HNRNPC: variants seen among roughly 807,000 people sequenced by gnomAD.
HNRNPC encodes the protein heterogeneous nuclear ribonucleoprotein C.
A neutral mutation model predicts 33.2 loss-of-function variants in HNRNPC; 3 were observed. The ratio of observed to expected loss-of-function variants is 0.09; its 90% CI spans 0.04 to 0.23. HNRNPC has a LOEUF of 0.23. HNRNPC is among the 10% of genes least tolerant of loss of function. The pLI is 1.00. For synonymous variants in HNRNPC, 121 were observed against 126.7 expected, an observed-to-expected ratio of 0.96 and a Z score of 0.30; for missense variants, 143 against 366.7, an observed-to-expected ratio of 0.39 and a Z score of 4.98.
chr14:21,264,431 A>C (rs1238231509), intron 1 of HNRNPC: 1 of 152,218 alleles, frequency 6.6e-6, no homozygotes, highest in East Asian at 1.9e-4. Context: ...GATGGAATTA[A>C]AAAAATACTG....
intron 2 of HNRNPC, among the ~76,000 whole-genome samples, chr14:21,244,645 C>T (rs562705467): frequency 2.0e-5 from 3 of 152,262 alleles, no homozygotes; most frequent in African/African-American, 7.2e-5. Flanking sequence ...TGCTTAATGA[C>T]AGGGAAATGC....
At chr14:21,246,705 T>C (rs527288694) in intron 2 of HNRNPC, among the ~76,000 whole-genome samples, 1 of 152,218 alleles carries the variant, frequency 6.6e-6, no homozygotes, top group African/African-American at 2.4e-5. Context: ...TCTGTTTACT[T>C]TGGCACTGTC....
intron 2 of HNRNPC, among the ~76,000 whole-genome samples, chr14:21,256,244 G>T (rs1344477470): frequency 6.6e-6 from 1 of 152,090 alleles, no homozygotes; most frequent in Non-Finnish European, 1.5e-5. Context: ...TCAAGAAATC[G>T]AGACTATCCT....
intron 2 of HNRNPC, among the ~76,000 whole-genome samples, chr14:21,261,903 G>A (rs1445674494): frequency 1.3e-5 from 2 of 152,084 alleles, no homozygotes; most frequent in African/African-American, 2.4e-5. Context: ...CCATTCCTGT[G>A]AATAACACAG....
intron 2 of HNRNPC, among the ~76,000 whole-genome samples, chr14:21,244,972 C>A (rs953101020): frequency 1.3e-5 from 2 of 151,290 alleles, no homozygotes; most frequent in African/African-American, 4.9e-5. Flanking sequence ...GTAGTCCCAG[C>A]TACTCAGGAG....
At position 21,267,091 on chromosome 14, in the gene HNRNPC, G is replaced by A. The variant is rs563458081; in HGVS notation, c.-63+2207C>T. On this transcript the variant is annotated intron_variant, in intron 1 of 8. Coordinates refer to ENST00000553300, the MANE Select transcript of HNRNPC (RefSeq NM_004500.4). The stretch of plus-strand genomic sequence containing the variant: ...GCCTAGGGCGACAGAGCGAGACTCC[G>A]TCTCAAAAAAAAAAAAAAAAAAAAA... Among the ~76,000 whole-genome samples the A allele has an allele frequency of 4.5e-4, 18 of 39,818 alleles. 2 individuals are homozygous for A. The South Asian group carries it at 8.1e-3, about 18-fold the overall frequency. The allele number at this position is 39,818 out of a possible 152,430, so 26.1% of individuals were successfully genotyped here.
At chr14:21,255,831 A>C (rs1857861679) in intron 2 of HNRNPC, among the ~76,000 whole-genome samples, 1 of 152,206 alleles carries the variant, frequency 6.6e-6, no homozygotes, top group Admixed American at 6.5e-5. Flanking sequence ...ATAAGTGCTA[A>C]AGAGTATTTA....
At chr14:21,251,801 T>G (rs1291545954) in intron 2 of HNRNPC, among the ~76,000 whole-genome samples, 1 of 152,220 alleles carries the variant, frequency 6.6e-6, no homozygotes, top group East Asian at 1.9e-4. Flanking sequence ...GGAATACATA[T>G]AAATTTTCAG....
chr14:21,255,433 A>C (rs1178278748), intron 2 of HNRNPC, among the ~76,000 whole-genome samples: 1 of 152,214 alleles, frequency 6.6e-6, no homozygotes, highest in East Asian at 1.9e-4. Flanking sequence ...ATATTTTTAA[A>C]ATGGTCAAGC....
At position 21,266,847 on chromosome 14, in the gene HNRNPC, T is replaced by C. The variant is rs552009316; in HGVS notation, c.-63+2451A>G. The stretch of plus-strand genomic sequence containing the variant: ...GGCTCACGCCTGTAATACCAGCACC[T>C]TGGGAGGCCAAGGCAGGAGGACTCC... On this transcript the variant is annotated intron_variant, in intron 1 of 8. Transcript: ENST00000553300. Among the ~76,000 whole-genome samples, 7 of 151,946 alleles carry C rather than the reference T, an allele frequency of 4.6e-5. No individual in the cohort carries two copies. In the South Asian group the frequency reaches 1.5e-3, roughly 32 times the overall value.
At chr14:21,230,440 C>A (rs1292753738) in intron 4 of HNRNPC, 74 bp from the exon 5 acceptor site, 3 of 1,051,420 alleles carry the variant, frequency 2.9e-6, no homozygotes, top group Non-Finnish European at 4.4e-6. Context: ...GAGGGGAGAA[C>A]CATGCCAAAT....
chr14:21,211,758 C>T, intron 7 of HNRNPC, 52 bp downstream of exon 7: 1 of 1,522,210 alleles, frequency 6.6e-7, no homozygotes, highest in Non-Finnish European at 9.1e-7. Flanking sequence ...TTTCAAGTGC[C>T]TTATGTAACT....
At chr14:21,237,149 T>C (rs1395006020) in intron 2 of HNRNPC, among the ~76,000 whole-genome samples, 1 of 152,196 alleles carries the variant, frequency 6.6e-6, no homozygotes, top group East Asian at 1.9e-4. Flanking sequence ...TGCATCCCTG[T>C]AAAGTCTCAT....
intron 2 of HNRNPC, among the ~76,000 whole-genome samples, chr14:21,244,260 A>C (rs935123046): frequency 6.6e-6 from 1 of 152,214 alleles, no homozygotes; most frequent in African/African-American, 2.4e-5. Flanking sequence ...CCACGTTCCA[A>C]AAGTGCAGGG....
At position 21,242,115 on chromosome 14, in the gene HNRNPC, AAAGG is replaced by A. The variant is rs574145828; in HGVS notation, c.-36-7890_-36-7887del. ...CCCAAATGAAATAAAACAACTCTCAAAAGGAAGAGTAACAAAATTTAAAAATGGC... is the reference window on the plus strand; with the variant it reads ...CCCAAATGAAATAAAACAACTCTCAAAAGAGTAACAAAATTTAAAAATGGC... On this transcript the variant is annotated intron_variant, in intron 2 of 8. Transcript: ENST00000553300. 1.2e-3 allele frequency among the ~76,000 whole-genome samples: 188 copies of A among 152,324 alleles called. 1 individual carries two copies. The highest frequency in any genetic ancestry group is 2.3e-3 in the Non-Finnish European group (156 of 68,028).
chr14:21,261,374 A>C (rs1461478961), intron 2 of HNRNPC, among the ~76,000 whole-genome samples: 1 of 152,230 alleles, frequency 6.6e-6, no homozygotes, highest in Admixed American at 6.5e-5. Context: ...AAGAAAAAAT[A>C]GCTCTCATAC....
chr14:21,261,672 G>A (rs1484686956), intron 2 of HNRNPC, among the ~76,000 whole-genome samples: 2 of 152,140 alleles, frequency 1.3e-5, no homozygotes, highest in Non-Finnish European at 1.5e-5. Context: ...AAGGCAGGAG[G>A]ATCGCTTGAG....
chr14:21,248,843 G>T (rs1216729057), intron 2 of HNRNPC, among the ~76,000 whole-genome samples: 1 of 152,140 alleles, frequency 6.6e-6, no homozygotes, highest in Admixed American at 6.5e-5. Flanking sequence ...TTTTGACTCA[G>T]TAATTTTAAC....
chr14:21,256,404 G>A (rs1025494190), intron 2 of HNRNPC, among the ~76,000 whole-genome samples: 4 of 151,678 alleles, frequency 2.6e-5, no homozygotes, highest in East Asian at 1.9e-4. Flanking sequence ...AGCCGAGCTC[G>A]CACCACTGCA....
Sources: allele counts gnomAD v4.1 joint callset (sites outside exome capture counted in the v4.1 genomes callset), GRCh38; gene constraint gnomAD v4.1.1; transcripts MANE v1.5; gene names NCBI Gene and HGNC (gene_info 2026-07-23, HGNC 2026-07-21).